Variants in MYO3A observed in about 807,000 individuals in gnomAD.
MYO3A encodes the protein myosin-IIIa.
MYO3A carries 180 observed loss-of-function variants against 192.7 expected under a neutral mutation model. That is an observed-to-expected ratio of 0.93 (90% CI 0.83 to 1.06). The LOEUF (loss-of-function observed/expected upper bound fraction) is 1.06. MYO3A is among the 50% of genes least tolerant of loss of function. The probability of loss-of-function intolerance (pLI) is 0.00; values close to 1 mark genes in which losing one functional copy is unlikely to be tolerated. For synonymous variants in MYO3A, 628 were observed against 645.3 expected (o/e 0.97, Z 0.41); for missense variants, 1,896 against 1,905.0 (o/e 1.00, Z 0.09).
chr10:26,133,868 A>G (rs1839697056), intron 20 of MYO3A, among the ~76,000 whole-genome samples: 1 of 152,230 alleles, frequency 6.6e-6, no homozygotes, highest in Non-Finnish European at 1.5e-5. Context: ...AGAGCATACT[A>G]TTGACAAACC....
intron 34 of MYO3A, 113 bp from the exon 35 acceptor site, chr10:26,211,730 T>A: frequency 8.0e-6 from 12 of 1,500,120 alleles, no homozygotes; most frequent in African/African-American, 1.4e-5. Flanking sequence ...CTTTCCTAAA[T>A]GTCCGCGGTT....
chr10:26,125,432 A>C lies in MYO3A; in HGVS notation c.1938A>C (p.Leu646=). Residue 646 remains leucine (L), a synonymous_variant, in exon 19 of 35, where the codon CTA becomes CTC. Coordinates refer to ENST00000642920, the MANE Select transcript of MYO3A (RefSeq NM_017433.5). ...TGCTTTGCATTCGGGCAGATGAGCT[A>C]CAAGAAGCTCTCACCTCCCACTGTG... ...ASLLCIRADE[L]QEALTSHCVV... 6.2e-7 allele frequency: 1 copy of C among 1,614,064 alleles called. No homozygotes were observed. Among genetic ancestry groups the C allele is most frequent in the East Asian group, 2.2e-5 (1 of 44,850 alleles).
At chr10:26,136,674 C>G (rs941342270) in intron 20 of MYO3A, among the ~76,000 whole-genome samples, 2 of 152,170 alleles carry the variant, frequency 1.3e-5, no homozygotes, top group African/African-American at 4.8e-5. Flanking sequence ...CCTACTTAAG[C>G]AGTGTTCATC....
chr10:26,152,680 T>G lies in MYO3A; in HGVS notation c.2636-1170T>G, dbSNP rs114987252. Among the ~76,000 whole-genome samples the G allele has an allele frequency of 1.5e-3, 236 of 152,322 alleles. 1 individual carries two copies. Among genetic ancestry groups the G allele is most frequent in the African/African-American group, 5.5e-3 (230 of 41,578 alleles). On this transcript the variant is annotated intron_variant, in intron 23 of 34. Transcript: ENST00000642920. The stretch of plus-strand genomic sequence containing the variant: ...TTCCCGTTGATCTACATAAATAAAT[T>G]TAAGCGAAATTCCTGAAACTGCCAC...
At chr10:25,944,576 T>A (rs1188805127) in intron 2 of MYO3A, among the ~76,000 whole-genome samples, 1 of 151,622 alleles carries the variant, frequency 6.6e-6, no homozygotes. Flanking sequence ...ACTAATTCAA[T>A]CTCTTTTGTA....
At chr10:26,072,755 C>T (rs993912021) in intron 14 of MYO3A, among the ~76,000 whole-genome samples, 4 of 151,852 alleles carry the variant, frequency 2.6e-5, no homozygotes, top group African/African-American at 9.7e-5. Context: ...CTGGAATGCT[C>T]ATATATTTCT....
At chr10:26,154,973 A>C (rs1841028162) in intron 25 of MYO3A, 150 bp downstream of exon 25, 1 of 712,128 alleles carries the variant, frequency 1.4e-6, no homozygotes, top group Admixed American at 2.2e-5. Context: ...ATCTACCTTC[A>C]AAATCTGCAG....
chr10:25,937,902 A>G (rs1836205062), intron 2 of MYO3A, among the ~76,000 whole-genome samples: 1 of 152,172 alleles, frequency 6.6e-6, no homozygotes. Flanking sequence ...TGTTATTGGA[A>G]AGCTGGAAAG....
rs757122807 is a variant in MYO3A, at chr10:26,016,847, G to A, written c.536G>A (p.Arg179Gln). The A allele has an allele frequency of 1.5e-5, 25 of 1,613,968 alleles. No individual in the cohort carries two copies. Among genetic ancestry groups the A allele is most frequent in the East Asian group, 2.2e-5 (1 of 44,894 alleles). The change falls in exon 7 of 35, where the codon CGG becomes CAG. Residue 179 changes from arginine to glutamine, a missense_variant. Physicochemically the swap from Arg to Gln is conservative, Grantham distance 43. Coordinates refer to ENST00000642920, the MANE Select transcript of MYO3A (RefSeq NM_017433.5). ...FGVSAQLTST[R>Q]HRRNTSVGTP... Reference sequence around the variant, plus strand: ...GTGTCTGCACAGCTCACCAGTACCCGGCACCGTCGGAACACATCCGTAGGA... The same window carrying A: ...GTGTCTGCACAGCTCACCAGTACCCAGCACCGTCGGAACACATCCGTAGGA...
At chr10:25,938,304 A>G (rs1397266722) in intron 2 of MYO3A, among the ~76,000 whole-genome samples, 1 of 152,208 alleles carries the variant, frequency 6.6e-6, no homozygotes, top group African/African-American at 2.4e-5. Flanking sequence ...AAAGGGTTTA[A>G]CAATGTTGTA....
chr10:26,159,087 T>G (rs1486959219), intron 26 of MYO3A, among the ~76,000 whole-genome samples: 1 of 149,608 alleles, frequency 6.7e-6, no homozygotes, highest in East Asian at 2.0e-4. Flanking sequence ...GGCTCCTGGG[T>G]TCACACCATT....
intron 17 of MYO3A, among the ~76,000 whole-genome samples, chr10:26,109,730 T>C (rs1838043591): frequency 6.6e-6 from 1 of 152,182 alleles, no homozygotes; most frequent in Non-Finnish European, 1.5e-5. Flanking sequence ...CCAAGAGAAA[T>C]TCAGATTTGA....
intron 17 of MYO3A, among the ~76,000 whole-genome samples, chr10:26,112,060 TTCTC>T (rs1210418297): frequency 1.3e-5 from 2 of 152,190 alleles, no homozygotes; most frequent in African/African-American, 4.8e-5. Flanking sequence ...CTCAACTACT[TTCTC>T]TTGCTTGGTT....
At chr10:26,208,774 C>T (rs374862670) in intron 34 of MYO3A, among the ~76,000 whole-genome samples, 1 of 152,108 alleles carries the variant, frequency 6.6e-6, no homozygotes, top group African/African-American at 2.4e-5. Flanking sequence ...CTATTCAGAA[C>T]AGACCAGAAT....
intron 2 of MYO3A, among the ~76,000 whole-genome samples, chr10:25,940,933 G>A (rs536748256): frequency 1.6e-3 from 247 of 152,208 alleles, no homozygotes; most frequent in Admixed American, 4.1e-3. Context: ...GAATTTTCCT[G>A]AATTGGAGTG....
At chr10:26,030,476 A>G (rs1199577327) in intron 10 of MYO3A, among the ~76,000 whole-genome samples, 1 of 152,180 alleles carries the variant, frequency 6.6e-6, no homozygotes, top group Non-Finnish European at 1.5e-5. Flanking sequence ...CTCAGCATTC[A>G]TATTCACACT....
intron 2 of MYO3A, among the ~76,000 whole-genome samples, chr10:25,945,682 C>T (rs12259899): frequency 0.082 from 12,409 of 152,028 alleles, 654 homozygotes; most frequent in African/African-American, 0.14. Flanking sequence ...CAGATGTGTT[C>T]CTTTATAAAA....
At chr10:26,093,397 C>G (rs1234263060) in intron 15 of MYO3A, among the ~76,000 whole-genome samples, 1 of 151,984 alleles carries the variant, frequency 6.6e-6, no homozygotes, top group Admixed American at 6.6e-5. Flanking sequence ...CTAAAGGAAA[C>G]TTTCAGTTTT....
intron 23 of MYO3A, 26 bp downstream of exon 23, chr10:26,147,585 G>A (rs371517757): frequency 2.9e-5 from 47 of 1,613,504 alleles, no homozygotes; most frequent in Non-Finnish European, 3.8e-5. Flanking sequence ...TTACCTGGAA[G>A]TTTTCTGAAG....
Sources: allele counts gnomAD v4.1 joint callset (sites outside exome capture counted in the v4.1 genomes callset), GRCh38; gene constraint gnomAD v4.1.1; transcripts MANE v1.5; gene names NCBI Gene and HGNC (gene_info 2026-07-23, HGNC 2026-07-21).